IGSF11: variants seen among roughly 807,000 people sequenced by gnomAD.
IGSF11 encodes the protein CXADR like 1.
Under a neutral mutation model 41.0 loss-of-function variants are expected in IGSF11, and 22 were observed. That is an observed-to-expected ratio of 0.54 (90% confidence interval 0.38 to 0.77). The LOEUF (loss-of-function observed/expected upper bound fraction) is 0.77, where lower values mean the gene tolerates loss of function less well. IGSF11 is among the 30% of genes least tolerant of loss of function. The pLI is 0.00. For missense variants in IGSF11, 444 were observed against 530.8 expected, an observed-to-expected ratio of 0.84 and a Z score of 1.61; for synonymous variants, 219 against 201.3, an observed-to-expected ratio of 1.09 and a Z score of -0.74.
intron 1 of IGSF11, among the ~76,000 whole-genome samples, chr3:119,063,467 TTGTTA>T (rs551235221): frequency 6.6e-6 from 1 of 152,228 alleles, no homozygotes; most frequent in Non-Finnish European, 1.5e-5. Context: ...AGGGGTTTTT[TTGTTA>T]TGTTTTGTTT....
chr3:119,052,718 C>G, intron 1 of IGSF11, among the ~76,000 whole-genome samples: 1 of 151,930 alleles, frequency 6.6e-6, no homozygotes, highest in African/African-American at 2.4e-5. Flanking sequence ...ACCAATATCC[C>G]TAATGAACAT....
chr3:119,075,791 A>AC (rs536632977), intron 1 of IGSF11, among the ~76,000 whole-genome samples: 1 of 152,222 alleles, frequency 6.6e-6, no homozygotes, highest in Non-Finnish European at 1.5e-5. Context: ...CTTCATGTTA[A>AC]AAACCCTCAA....
intron 1 of IGSF11, among the ~76,000 whole-genome samples, chr3:119,080,520 G>A (rs1001091026): frequency 6.6e-6 from 1 of 152,160 alleles, no homozygotes; most frequent in Non-Finnish European, 1.5e-5. Context: ...TCTTCTGCAA[G>A]AACAAGTAAC....
At chr3:118,940,582 T>G (rs955886647) in intron 1 of IGSF11, among the ~76,000 whole-genome samples, 12 of 152,236 alleles carry the variant, frequency 7.9e-5, no homozygotes, top group Admixed American at 2.6e-4. Context: ...GACTCAATAC[T>G]GTTAGGAGGT....
At chr3:119,123,185 C>T (rs1301101876) in intron 1 of IGSF11, among the ~76,000 whole-genome samples, 1 of 152,150 alleles carries the variant, frequency 6.6e-6, no homozygotes. Flanking sequence ...ATGCACCTTA[C>T]GTGAACACTG....
intron 1 of IGSF11, among the ~76,000 whole-genome samples, chr3:119,024,774 TA>T (rs1939654444): frequency 6.6e-6 from 1 of 152,200 alleles, no homozygotes; most frequent in South Asian, 2.1e-4. Flanking sequence ...TTTAGACAAC[TA>T]TGCTTGGCTT....
At chr3:119,055,686 C>T (rs1234209365) in intron 1 of IGSF11, among the ~76,000 whole-genome samples, 1 of 152,178 alleles carries the variant, frequency 6.6e-6, no homozygotes, top group Non-Finnish European at 1.5e-5. Context: ...CAGCACCACA[C>T]CACACTTATT....
chr3:118,997,531 C>G (rs1039736108), intron 1 of IGSF11, among the ~76,000 whole-genome samples: 3 of 144,160 alleles, frequency 2.1e-5, no homozygotes, highest in Admixed American at 1.4e-4. Context: ...CTGCTGCCCC[C>G]CCCCAGCCAC....
upstream of IGSF11, among the ~76,000 whole-genome samples, chr3:119,035,844 T>G (rs1255286233): frequency 1.3e-5 from 2 of 152,190 alleles, no homozygotes; most frequent in Non-Finnish European, 2.9e-5. Context: ...TGCCAACCCA[T>G]TTTGGTCAGT....
intron 1 of IGSF11, among the ~76,000 whole-genome samples, chr3:119,027,151 T>G (rs756764228): frequency 1.3e-5 from 2 of 152,122 alleles, no homozygotes; most frequent in African/African-American, 2.4e-5. Flanking sequence ...GATCAATGCA[T>G]AGATTTATGA....
intron 1 of IGSF11, among the ~76,000 whole-genome samples, chr3:119,026,648 GCAATAA>G (rs1283061536): frequency 3.9e-5 from 6 of 152,098 alleles, no homozygotes; most frequent in Non-Finnish European, 8.8e-5. Flanking sequence ...CTTTGATGAA[GCAATAA>G]CAATAATTTC....
At position 119,040,324 on chromosome 3, in the gene IGSF11, C is replaced by G. The variant is rs1001088387; in HGVS notation, c.49+64820G>C. On this transcript the variant is annotated intron_variant, in intron 1 of 6. Coordinates refer to the IGSF11 transcript ENST00000354673. Reference sequence around the variant, plus strand: ...CCAATCAGCACTCCTGGCTCACTGGCTTCCCCTCATCCACCAAGTTATCCT... The same window carrying G: ...CCAATCAGCACTCCTGGCTCACTGGGTTCCCCTCATCCACCAAGTTATCCT... Among the ~76,000 whole-genome samples the G allele has an allele frequency of 3.9e-5, 6 of 152,296 alleles. No homozygotes were observed. The South Asian group carries it at 1.2e-3, about 32-fold the overall frequency.
At chr3:119,127,189 A>C (rs1056666763) in intron 1 of IGSF11, among the ~76,000 whole-genome samples, 2 of 152,140 alleles carry the variant, frequency 1.3e-5, no homozygotes, top group African/African-American at 4.8e-5. Context: ...AACATAAATG[A>C]CCTGATGGAG....
chr3:119,114,564 T>C (rs575053128), intron 1 of IGSF11, among the ~76,000 whole-genome samples: 4 of 152,226 alleles, frequency 2.6e-5, no homozygotes, highest in Admixed American at 6.5e-5. Context: ...GTTCCTCGTT[T>C]CCTTCTGAGA....
chr3:119,057,486 T>G (rs1380127285), intron 1 of IGSF11, among the ~76,000 whole-genome samples: 1 of 152,180 alleles, frequency 6.6e-6, no homozygotes, highest in African/African-American at 2.4e-5. Context: ...TACAAACAAA[T>G]GGAAGAACAT....
At chr3:118,966,209 G>T (rs966767280) in intron 1 of IGSF11, among the ~76,000 whole-genome samples, 1 of 152,144 alleles carries the variant, frequency 6.6e-6, no homozygotes, top group Non-Finnish European at 1.5e-5. Flanking sequence ...TCATCTGAAG[G>T]TTAGGGACCA....
At chr3:119,109,605 T>C (rs1489941275), upstream of IGSF11, among the ~76,000 whole-genome samples, 3 of 152,242 alleles carry the variant, frequency 2.0e-5, no homozygotes, top group African/African-American at 7.2e-5. Context: ...TCTGCTCTGA[T>C]CTTAGTTATT....
At chr3:119,066,230 A>G (rs1019405899) in intron 1 of IGSF11, among the ~76,000 whole-genome samples, 1 of 152,166 alleles carries the variant, frequency 6.6e-6, no homozygotes, top group Non-Finnish European at 1.5e-5. Context: ...TAAATCTGTA[A>G]AGATCCTTTT....
chr3:119,069,291 T>C (rs775953251), intron 1 of IGSF11, among the ~76,000 whole-genome samples: 15 of 152,128 alleles, frequency 9.9e-5, no homozygotes, highest in African/African-American at 2.4e-4. Context: ...TTTTAGTAGG[T>C]TGGGTTGGTA....
Sources: gnomAD v4.1 joint callset for allele counts (sites outside exome capture counted in the v4.1 genomes callset) on GRCh38, gnomAD v4.1.1 for gene constraint, MANE v1.5 for transcripts, NCBI Gene and HGNC (gene_info 2026-07-23, HGNC 2026-07-21) for gene names.